The following KCNT2 variants were observed in gnomAD, a reference collection of about 807,000 sequenced individuals.
KCNT2 encodes the protein potassium sodium-activated channel subfamily T member 2, also known as potassium channel subfamily T member 2.
In KCNT2, 67 loss-of-function variants were observed where a neutral mutation model predicts 153.8. The ratio of observed to expected loss-of-function variants is 0.44; its 90% CI spans 0.36 to 0.53. KCNT2 has a LOEUF of 0.53. Among genes scored for constraint, KCNT2 ranks in the 20% least tolerant of loss-of-function variants. The pLI is 0.00. For missense variants in KCNT2, 975 were observed against 1,354.8 expected, an observed-to-expected ratio of 0.72 and a Z score of 4.40; for synonymous variants, 500 against 458.8, an observed-to-expected ratio of 1.09 and a Z score of -1.15.
At chr1:196,539,299 T>C (rs747782641) in intron 1 of KCNT2, among the ~76,000 whole-genome samples, 1 of 152,184 alleles carries the variant, frequency 6.6e-6, no homozygotes, top group African/African-American at 2.4e-5. Flanking sequence ...TTCATGTGTG[T>C]TCGCATTGCA....
intron 14 of KCNT2, among the ~76,000 whole-genome samples, chr1:196,346,250 A>C (rs77025765): frequency 0.014 from 2,142 of 152,236 alleles, 40 homozygotes; most frequent in African/African-American, 0.049. Flanking sequence ...TCTACATTAC[A>C]TAAGCTTCCC....
intron 14 of KCNT2, among the ~76,000 whole-genome samples, chr1:196,366,996 T>C (rs772950653): frequency 2.0e-5 from 3 of 152,196 alleles, no homozygotes; most frequent in Non-Finnish European, 2.9e-5. Context: ...ACCATTTCTG[T>C]CTGCCAAAAC....
chr1:196,273,024 T>A (rs1658214718), intron 25 of KCNT2, among the ~76,000 whole-genome samples: 3 of 151,898 alleles, frequency 2.0e-5, no homozygotes, highest in Admixed American at 2.0e-4. Flanking sequence ...TAAAACATCT[T>A]CTGAAATAAA....
chr1:196,401,323 C>T (rs1490091835), intron 12 of KCNT2, among the ~76,000 whole-genome samples: 1 of 151,638 alleles, frequency 6.6e-6, no homozygotes, highest in African/African-American at 2.4e-5. Flanking sequence ...TATGAATTTC[C>T]AGAAAAATGT....
chr1:196,303,934 T>C (rs1388803910), intron 22 of KCNT2, among the ~76,000 whole-genome samples: 2 of 152,174 alleles, frequency 1.3e-5, no homozygotes, highest in African/African-American at 4.8e-5. Flanking sequence ...TTAGCCCTGC[T>C]TGCCATCTTT....
At chr1:196,510,354 T>C (rs1448631836) in intron 1 of KCNT2, among the ~76,000 whole-genome samples, 1 of 152,148 alleles carries the variant, frequency 6.6e-6, no homozygotes, top group Non-Finnish European at 1.5e-5. Context: ...CTGAGGCATT[T>C]GCCCAAAGTT....
chr1:196,269,905 T>A (rs1326206830), intron 25 of KCNT2, among the ~76,000 whole-genome samples: 1 of 152,114 alleles, frequency 6.6e-6, no homozygotes, highest in Non-Finnish European at 1.5e-5. Context: ...CTCATAACTT[T>A]TGAGTTGTGG....
intron 14 of KCNT2, among the ~76,000 whole-genome samples, chr1:196,356,761 TAGTAA>T (rs1246950337): frequency 2.0e-5 from 3 of 151,974 alleles, no homozygotes; most frequent in Non-Finnish European, 2.9e-5. Context: ...AGAGCAAATT[TAGTAA>T]AGTAAACACA....
intron 8 of KCNT2, among the ~76,000 whole-genome samples, chr1:196,431,568 C>A (rs991338074): frequency 1.3e-5 from 2 of 151,966 alleles, no homozygotes; most frequent in African/African-American, 4.8e-5. Flanking sequence ...GAAAAGGCAT[C>A]CTTATTACAA....
chr1:196,317,500 G>A (rs1053029786), intron 20 of KCNT2, among the ~76,000 whole-genome samples: 3 of 151,652 alleles, frequency 2.0e-5, no homozygotes, highest in East Asian at 1.9e-4. Flanking sequence ...TCAAAATGAC[G>A]CTTAAGTCAT....
intron 16 of KCNT2, among the ~76,000 whole-genome samples, chr1:196,338,505 C>G (rs552193855): frequency 6.6e-6 from 1 of 152,114 alleles, no homozygotes; most frequent in East Asian, 1.9e-4. Context: ...CTGGAACATT[C>G]CTAAGAAAAC....
intron 1 of KCNT2, among the ~76,000 whole-genome samples, chr1:196,560,959 C>G (rs1012819675): frequency 2.6e-5 from 4 of 151,788 alleles, no homozygotes; most frequent in Admixed American, 2.6e-4. Context: ...TTTCCTTTTT[C>G]TACTGCCTTT....
intron 8 of KCNT2, among the ~76,000 whole-genome samples, chr1:196,431,694 G>A (rs887181352): frequency 3.3e-5 from 5 of 152,084 alleles, no homozygotes; most frequent in African/African-American, 4.8e-5. Context: ...TGTTCGAGGC[G>A]ATGTATTGTG....
chr1:196,537,927 T>A (rs1482925890), intron 1 of KCNT2, among the ~76,000 whole-genome samples: 1 of 152,188 alleles, frequency 6.6e-6, no homozygotes, highest in African/African-American at 2.4e-5. Context: ...AGCCTGTAGT[T>A]CCTTTTCCAA....
intron 13 of KCNT2, among the ~76,000 whole-genome samples, chr1:196,397,138 C>T (rs1671005960): frequency 6.6e-6 from 1 of 151,272 alleles, no homozygotes; most frequent in Admixed American, 6.6e-5. Context: ...TAGTAATCTG[C>T]CTACCTGTCT....
chr1:196,562,442 T>C (rs1032089228), intron 1 of KCNT2, among the ~76,000 whole-genome samples: 8 of 151,940 alleles, frequency 5.3e-5, no homozygotes, highest in African/African-American at 1.9e-4. Flanking sequence ...AACTTTGAAA[T>C]GCTCTTGGCC....
intron 22 of KCNT2, among the ~76,000 whole-genome samples, chr1:196,286,571 G>A (rs991060303): frequency 6.6e-6 from 1 of 151,536 alleles, no homozygotes. Context: ...CCACCTAACT[G>A]ATAAATTGCA....
intron 21 of KCNT2, among the ~76,000 whole-genome samples, chr1:196,313,024 A>C (rs962842599): frequency 6.6e-6 from 1 of 151,588 alleles, no homozygotes; most frequent in Non-Finnish European, 1.5e-5. Context: ...GAAGAGAGAA[A>C]AGGGAGAGAG....
chr1:196,342,693 C>T (rs1348232668), intron 14 of KCNT2, among the ~76,000 whole-genome samples: 1 of 151,764 alleles, frequency 6.6e-6, no homozygotes, highest in Admixed American at 6.6e-5. Context: ...TTGCTTTATA[C>T]TTAAAATTAC....
Sources: allele counts gnomAD v4.1 joint callset (sites outside exome capture counted in the v4.1 genomes callset), GRCh38; gene constraint gnomAD v4.1.1; transcripts MANE v1.5; gene names NCBI Gene and HGNC (gene_info 2026-07-23, HGNC 2026-07-21).